The following PTPN4 variants were observed in gnomAD, a reference collection of about 807,000 sequenced individuals.
PTPN4 encodes the protein protein tyrosine phosphatase non-receptor type 4, also known as tyrosine-protein phosphatase non-receptor type 4.
A neutral mutation model predicts 135.5 loss-of-function variants in PTPN4; 49 were observed. The ratio of observed to expected loss-of-function variants is 0.36; its 90% CI spans 0.29 to 0.46. PTPN4 has a LOEUF of 0.46. Ranked by LOEUF, PTPN4 falls within the 20% of genes least tolerant of loss-of-function variation. PTPN4 has a pLI of 1.00. For missense variants in PTPN4, 860 were observed against 1,101.0 expected (o/e 0.78, Z 3.10); for synonymous variants, 333 against 369.9 (o/e 0.90, Z 1.14).
chr2:119,777,178 T>C (rs1244459579), intron 1 of PTPN4, among the ~76,000 whole-genome samples: 1 of 152,198 alleles, frequency 6.6e-6, no homozygotes, highest in Non-Finnish European at 1.5e-5. Context: ...GGCAGACTTG[T>C]TCCTACTTCA....
At chr2:119,875,856 A>G (rs549100290) in intron 3 of PTPN4, among the ~76,000 whole-genome samples, 1 of 152,306 alleles carries the variant, frequency 6.6e-6, no homozygotes, top group East Asian at 1.9e-4. Flanking sequence ...GTCAGACAAA[A>G]AAAGACAAAA....
At chr2:119,918,309 A>G (rs1678687569) in intron 11 of PTPN4, among the ~76,000 whole-genome samples, 1 of 152,232 alleles carries the variant, frequency 6.6e-6, no homozygotes, top group Non-Finnish European at 1.5e-5. Context: ...ACATAGAAGG[A>G]AACCTTCATA....
rs117024544 is a variant in PTPN4 at position 119,842,742 on chromosome 2, A to C, written c.139-19794A>C. 4.3e-4 allele frequency among the ~76,000 whole-genome samples: 65 copies of C among 152,344 alleles called. 2 individuals are homozygous for C. In the East Asian group the frequency reaches 0.012, roughly 27 times the overall value. ...ATTTACTGTTTACTCAGCTTCTCCC[A>C]GCGGCCCAATGGTAACATCTTCTCT... On this transcript the variant is annotated intron_variant, in intron 2 of 26. Coordinates refer to ENST00000263708, the MANE Select transcript of PTPN4 (RefSeq NM_002830.4).
intron 2 of PTPN4, among the ~76,000 whole-genome samples, chr2:119,830,882 C>G (rs572223997): frequency 2.6e-5 from 4 of 152,202 alleles, no homozygotes; most frequent in Non-Finnish European, 4.4e-5. Context: ...CAGCATCATG[C>G]TTCCTGTACA....
intron 2 of PTPN4, among the ~76,000 whole-genome samples, chr2:119,844,224 C>T (rs546796606): frequency 0.017 from 2,075 of 119,346 alleles, 58 homozygotes; most frequent in African/African-American, 0.062. Flanking sequence ...CCAGTAGGGG[C>T]GGGCGGGCAG....
intron 15 of PTPN4, among the ~76,000 whole-genome samples, chr2:119,938,124 ATTTT>A (rs370292419): frequency 8.5e-6 from 1 of 117,778 alleles, no homozygotes. Flanking sequence ...ATGTGGGATA[ATTTT>A]TTTTTTTTTT....
At chr2:119,795,252 G>A (rs780554993) in intron 1 of PTPN4, among the ~76,000 whole-genome samples, 1 of 152,178 alleles carries the variant, frequency 6.6e-6, no homozygotes, top group Admixed American at 6.5e-5. Flanking sequence ...CTGGTCCATG[G>A]GACCAGCAGC....
At chr2:119,955,737 A>G (rs1679271060) in intron 20 of PTPN4, among the ~76,000 whole-genome samples, 1 of 152,094 alleles carries the variant, frequency 6.6e-6, no homozygotes, top group South Asian at 2.1e-4. Flanking sequence ...GGAGATCAAG[A>G]CAATCCTGGC....
At chr2:119,824,931 G>A (rs988393994) in intron 2 of PTPN4, among the ~76,000 whole-genome samples, 3 of 152,086 alleles carry the variant, frequency 2.0e-5, no homozygotes, top group Non-Finnish European at 2.9e-5. Context: ...CAAGTGGTCC[G>A]CCTGCCTTGG....
intron 19 of PTPN4, among the ~76,000 whole-genome samples, chr2:119,953,733 A>G (rs1305484515): frequency 6.6e-6 from 1 of 152,270 alleles, no homozygotes; most frequent in African/African-American, 2.4e-5. Flanking sequence ...TTTAATCCTC[A>G]TAGACATCCA....
intron 1 of PTPN4, among the ~76,000 whole-genome samples, chr2:119,786,301 T>C (rs1274711354): frequency 6.6e-6 from 1 of 152,262 alleles, no homozygotes; most frequent in Non-Finnish European, 1.5e-5. Context: ...TAGTCACTTT[T>C]ATTGTATTTG....
chr2:119,934,983 CTCTGT>C (rs1678960828), intron 15 of PTPN4, 25 bp downstream of exon 15: 5 of 1,580,112 alleles, frequency 3.2e-6, no homozygotes, highest in Non-Finnish European at 4.3e-6. Context: ...ATTTTGCTTC[CTCTGT>C]ATTTTCAAAT....
chr2:119,957,631 GA>G (rs1291572517), intron 22 of PTPN4, among the ~76,000 whole-genome samples: 2 of 149,604 alleles, frequency 1.3e-5, no homozygotes, highest in Admixed American at 6.7e-5. Flanking sequence ...TTCTTACCTG[GA>G]AAAAAAAATT....
At chr2:119,888,266 T>A (rs1177296492) in intron 9 of PTPN4, among the ~76,000 whole-genome samples, 1 of 152,180 alleles carries the variant, frequency 6.6e-6, no homozygotes, top group Non-Finnish European at 1.5e-5. Context: ...AGGTTTTTTT[T>A]AGATATAAGA....
chr2:119,861,492 T>C (rs771931414), intron 2 of PTPN4, among the ~76,000 whole-genome samples: 2 of 152,200 alleles, frequency 1.3e-5, no homozygotes, highest in African/African-American at 4.8e-5. Flanking sequence ...TATAGAAGTT[T>C]CCTCCAGTAT....
chr2:119,892,285 A>G (rs914497129), intron 9 of PTPN4, among the ~76,000 whole-genome samples: 2 of 152,186 alleles, frequency 1.3e-5, no homozygotes, highest in African/African-American at 2.4e-5. Flanking sequence ...AAAATGTTCT[A>G]TATATTGGTT....
chr2:119,864,076 G>A (rs1009359732), intron 3 of PTPN4, among the ~76,000 whole-genome samples: 1 of 152,126 alleles, frequency 6.6e-6, no homozygotes, highest in Non-Finnish European at 1.5e-5. Flanking sequence ...AAAGGTTCAA[G>A]TTTTTAAAGA....
chr2:119,966,557 C>T (rs1446080387), intron 25 of PTPN4, among the ~76,000 whole-genome samples: 3 of 152,184 alleles, frequency 2.0e-5, no homozygotes, highest in African/African-American at 4.8e-5. Flanking sequence ...CGCGCCTCAC[C>T]GGTTCCACCT....
chr2:119,973,047 G>C (rs1679559398), intron 26 of PTPN4, among the ~76,000 whole-genome samples: 1 of 151,868 alleles, frequency 6.6e-6, no homozygotes, highest in Non-Finnish European at 1.5e-5. Flanking sequence ...AAATTTACCA[G>C]CTCAACCATT....
Sources: allele counts gnomAD v4.1 joint callset (sites outside exome capture counted in the v4.1 genomes callset), GRCh38; gene constraint gnomAD v4.1.1; transcripts MANE v1.5; gene names NCBI Gene and HGNC (gene_info 2026-07-23, HGNC 2026-07-21).